Variants in PSTPIP2 observed in about 807,000 individuals in gnomAD.
PSTPIP2 encodes the protein proline-serine-threonine phosphatase interacting protein 2, also known as proline-serine-threonine phosphatase-interacting protein 2.
A neutral mutation model predicts 63.3 loss-of-function variants in PSTPIP2; 33 were observed. The observed-to-expected ratio is 0.52, with a 90% CI of 0.40 to 0.70. PSTPIP2 has a LOEUF of 0.70. Among genes scored for constraint, PSTPIP2 ranks in the 30% least tolerant of loss-of-function variants. The pLI, the probability that PSTPIP2 is intolerant of heterozygous loss-of-function variation, is 0.00. For missense variants in PSTPIP2, 312 were observed against 400.7 expected (o/e 0.78, Z 1.89); for synonymous variants, 125 against 132.7 (o/e 0.94, Z 0.40).
At chr18:46,008,043 C>T (rs2051749389) in intron 5 of PSTPIP2, among the ~76,000 whole-genome samples, 1 of 152,184 alleles carries the variant, frequency 6.6e-6, no homozygotes, top group South Asian at 2.1e-4. Flanking sequence ...GCCAAAGGTG[C>T]CCTTTCAGAG....
rs971529537 is a variant in PSTPIP2, at chr18:45,987,731, G to GT, written c.*8+970dup. 1.2e-4 allele frequency among the ~76,000 whole-genome samples: 19 copies of GT among 152,100 alleles called. No homozygotes were observed. In the East Asian group the frequency reaches 3.3e-3, roughly 26 times the overall value. On this transcript the variant is annotated intron_variant, in intron 14 of 14. Coordinates refer to ENST00000409746, the MANE Select transcript of PSTPIP2 (RefSeq NM_024430.4). Reference sequence around the variant, plus strand: ...GTAAAAGAATGATACTTTATGAAGAGTTTTTTTTAGTATCGCTACTTTGGC... The same window carrying GT: ...GTAAAAGAATGATACTTTATGAAGAGTTTTTTTTTAGTATCGCTACTTTGGC...
intron 1 of PSTPIP2, among the ~76,000 whole-genome samples, chr18:46,071,508 A>G (rs1909392089): frequency 6.6e-6 from 1 of 152,076 alleles, no homozygotes; most frequent in East Asian, 1.9e-4. Flanking sequence ...CTCCCACACC[A>G]TCAGCCCCGC....
chr18:46,014,777 G>A (rs2051836570), intron 4 of PSTPIP2, among the ~76,000 whole-genome samples: 1 of 152,142 alleles, frequency 6.6e-6, no homozygotes, highest in Non-Finnish European at 1.5e-5. Context: ...CATGAGTTCA[G>A]CTGCAAATAT....
chr18:46,020,186 C>T (rs1052175685), intron 3 of PSTPIP2, among the ~76,000 whole-genome samples: 3 of 152,106 alleles, frequency 2.0e-5, no homozygotes, highest in Non-Finnish European at 2.9e-5. Flanking sequence ...GGAATGGTGG[C>T]GTAACAACAT....
Position 46,024,679 on chromosome 18 carries a change from T to C in PSTPIP2, c.142A>G (p.Ile48Val), listed in dbSNP as rs755566663. Residue 48 changes from isoleucine (I) to valine (V), a missense_variant, in exon 3 of 15, where the codon ATT becomes GTT. Transcript: ENST00000409746. Reference protein sequence around the residue: ...FEDFLKERAAIEERYGKDLLN... With the variant: ...FEDFLKERAAVEERYGKDLLN... ...AGATCTTTGCCATACCTCTCTTCAA[T>C]TGCTGCCCTAGGGGAACAGAAGAGA... The C allele has an allele frequency of 6.2e-7, 1 of 1,613,764 alleles. No individual in the cohort carries two copies. The highest frequency in any genetic ancestry group is 1.1e-5 in the South Asian group (1 of 91,072).
chr18:46,033,234 A>G (rs1907844760), intron 2 of PSTPIP2, among the ~76,000 whole-genome samples: 1 of 152,214 alleles, frequency 6.6e-6, no homozygotes, highest in Admixed American at 6.5e-5. Flanking sequence ...CTTCCAGTAC[A>G]TTCTTTTGGG....
At chr18:46,010,058 A>T (rs2051778913) in intron 5 of PSTPIP2, among the ~76,000 whole-genome samples, 1 of 152,212 alleles carries the variant, frequency 6.6e-6, no homozygotes, top group South Asian at 2.1e-4. Context: ...TGGAAGAGGC[A>T]GTAGTGTGCT....
At chr18:46,045,067 T>C in intron 1 of PSTPIP2, among the ~76,000 whole-genome samples, 1 of 152,230 alleles carries the variant, frequency 6.6e-6, no homozygotes, top group Non-Finnish European at 1.5e-5. Context: ...GGTGGGACTG[T>C]AAACTAGTTC....
chr18:46,011,235 T>C lies in PSTPIP2; in HGVS notation c.300A>G (p.Glu100=). The C allele has an allele frequency of 6.2e-7, 1 of 1,614,076 alleles. No homozygotes were observed. Among genetic ancestry groups the C allele is most frequent in the South Asian group, 1.1e-5 (1 of 91,082 alleles). ...TGAATTCTTCCATCTTCCTGGCCTC[T>C]TCTCTTAAACTCTGTGCAAGCTGAA... ...CHIQLAQSLR[E]EARKMEEFRE... The change falls in exon 5 of 15, where the codon GAA becomes GAG. Residue 100 remains glutamate, a synonymous_variant. Transcript: ENST00000409746.
intron 5 of PSTPIP2, among the ~76,000 whole-genome samples, chr18:46,008,085 G>C (rs1475244452): frequency 1.3e-5 from 2 of 152,150 alleles, no homozygotes; most frequent in Admixed American, 1.3e-4. Context: ...CTGAGACTCA[G>C]ACTTTCTGCT....
intron 2 of PSTPIP2, among the ~76,000 whole-genome samples, chr18:46,033,842 G>A (rs1221700162): frequency 6.6e-6 from 1 of 152,120 alleles, no homozygotes; most frequent in African/African-American, 2.4e-5. Context: ...AAAGGAATGG[G>A]ACACCTTCTC....
At chr18:46,047,836 T>C (rs1908438634) in intron 1 of PSTPIP2, among the ~76,000 whole-genome samples, 1 of 152,228 alleles carries the variant, frequency 6.6e-6, no homozygotes. Flanking sequence ...TTAAGACTAA[T>C]GGATTTAGTA....
chr18:46,040,999 G>A lies in PSTPIP2; in HGVS notation c.34-952C>T, dbSNP rs16978518. On this transcript the variant is annotated intron_variant, in intron 1 of 14. Transcript: ENST00000409746. ...ACGCTACAGGACCATGTAACCTGGT[G>A]CTATAAAATTTTTACTCTGTCCTTA... 4.8e-3 allele frequency: 2,186 copies of A among 457,754 alleles called. 50 individuals are homozygous for A. The highest frequency in any genetic ancestry group is 0.04 in the African/African-American group (1,995 of 50,270). 28.4% of individuals were successfully genotyped at this position (457,754 alleles called of 1,614,324 possible).
chr18:46,057,684 T>C (rs1908812722), intron 1 of PSTPIP2, among the ~76,000 whole-genome samples: 1 of 151,956 alleles, frequency 6.6e-6, no homozygotes, highest in Non-Finnish European at 1.5e-5. Flanking sequence ...ATGAACACAT[T>C]AGCAAAAAAG....
chr18:46,023,482 C>G (rs1907450525), intron 3 of PSTPIP2, among the ~76,000 whole-genome samples: 1 of 152,030 alleles, frequency 6.6e-6, no homozygotes, highest in Non-Finnish European at 1.5e-5. Flanking sequence ...TTGCTGGAAC[C>G]CGGGAGGCAG....
At chr18:46,065,468 G>T (rs1055210041) in intron 1 of PSTPIP2, among the ~76,000 whole-genome samples, 1 of 149,594 alleles carries the variant, frequency 6.7e-6, no homozygotes, top group East Asian at 2.0e-4. Context: ...TTTTGTTTTC[G>T]GTTGTTTGTT....
intron 2 of PSTPIP2, among the ~76,000 whole-genome samples, chr18:46,033,203 T>C (rs1031608016): frequency 6.6e-6 from 1 of 152,232 alleles, no homozygotes; most frequent in Non-Finnish European, 1.5e-5. Flanking sequence ...CCCGATACTC[T>C]ATTTCCCATG....
At chr18:45,991,801 C>A in intron 12 of PSTPIP2, 101 bp downstream of exon 12, 2 of 1,116,844 alleles carry the variant, frequency 1.8e-6, no homozygotes, top group Non-Finnish European at 2.6e-6. Flanking sequence ...TAAGCAGATG[C>A]AGTAGTAGAT....
intron 8 of PSTPIP2, 129 bp from the exon 9 acceptor site, chr18:45,997,957 A>G: frequency 1.4e-6 from 1 of 731,002 alleles, no homozygotes; most frequent in Non-Finnish European, 2.4e-6. Flanking sequence ...GGCCCCCAGG[A>G]CTCTGAGCAC....
Sources: gnomAD v4.1 joint callset for allele counts (sites outside exome capture counted in the v4.1 genomes callset) on GRCh38, gnomAD v4.1.1 for gene constraint, MANE v1.5 for transcripts, NCBI Gene and HGNC (gene_info 2026-07-23, HGNC 2026-07-21) for gene names.